Variants in CEP57 observed in about 807,000 individuals in gnomAD.
The protein encoded by CEP57 is centrosomal protein 57.
A neutral mutation model predicts 68.0 loss-of-function variants in CEP57; 40 were observed. The ratio of observed to expected loss-of-function variants is 0.59; its 90% CI spans 0.46 to 0.77. CEP57 has a LOEUF of 0.77. Among genes scored for constraint, CEP57 ranks in the 30% least tolerant of loss-of-function variants. The pLI is 0.00. For missense variants in CEP57, 606 were observed against 580.7 expected, an observed-to-expected ratio of 1.04 and a Z score of -0.45; for synonymous variants, 219 against 198.7, an observed-to-expected ratio of 1.10 and a Z score of -0.86.
chr11:95,811,437 G>C (rs138900325), intron 2 of CEP57, among the ~76,000 whole-genome samples: 8,021 of 145,480 alleles, frequency 0.055, 286 homozygotes, highest in Non-Finnish European at 0.085. Flanking sequence ...TCGTGGGTTG[G>C]GGGGAGGGGG....
chr11:95,813,321 A>C (rs1259397269), intron 3 of CEP57, 147 bp from the exon 4 acceptor site: 1 of 1,071,158 alleles, frequency 9.3e-7, no homozygotes, highest in African/African-American at 1.6e-5. Context: ...AGCACGTAGA[A>C]AGAATGATTT....
intron 1 of CEP57, among the ~76,000 whole-genome samples, chr11:95,797,680 G>A (rs1861408467): frequency 6.6e-6 from 1 of 152,064 alleles, no homozygotes; most frequent in Admixed American, 6.5e-5. Flanking sequence ...TTATACCACA[G>A]GGCATACAGA....
Position 95,799,293 on chromosome 11 carries a change from A to G in CEP57, c.107A>G (p.Tyr36Cys). ...ATGGTTCGGCATTCTTCATCTCCAT[A>G]TGTAGTATATCCTTCGGATAAGCCT... ...GSMVRHSSSP[Y>C]VVYPSDKPFL... The change falls in exon 2 of 11, where the codon TAT becomes TGT. Residue 36 changes from tyrosine (Y) to cysteine (C), a missense_variant. By Grantham distance (194) the Tyr-to-Cys change is radical. Coordinates refer to ENST00000325542, the MANE Select transcript of CEP57 (RefSeq NM_014679.5). 6.2e-7 allele frequency: 1 copy of G among 1,614,132 alleles called. No homozygotes were observed. The highest frequency in any genetic ancestry group is 8.5e-7 in the Non-Finnish European group (1 of 1,179,968).
chr11:95,816,380 T>G (rs1452713201), intron 4 of CEP57, among the ~76,000 whole-genome samples: 1 of 152,162 alleles, frequency 6.6e-6, no homozygotes, highest in African/African-American at 2.4e-5. Context: ...AAGATGAGAT[T>G]TGGTTGGAGA....
At chr11:95,819,725 C>T (rs555576580) in intron 6 of CEP57, among the ~76,000 whole-genome samples, 1 of 152,198 alleles carries the variant, frequency 6.6e-6, no homozygotes, top group African/African-American at 2.4e-5. Context: ...GCAGTTCAAT[C>T]TGTGACCAAA....
At chr11:95,792,935 A>C (rs1010533560) in intron 1 of CEP57, among the ~76,000 whole-genome samples, 3 of 151,924 alleles carry the variant, frequency 2.0e-5, no homozygotes, top group African/African-American at 7.3e-5. Context: ...AAAAAAAAAA[A>C]CTTGTTAAAA....
At chr11:95,799,477 G>C in intron 2 of CEP57, 89 bp downstream of exon 2, 1 of 1,499,100 alleles carries the variant, frequency 6.7e-7, no homozygotes, top group Non-Finnish European at 9.3e-7. Context: ...TGCCATTAGA[G>C]GAAAATATAT....
intron 6 of CEP57, among the ~76,000 whole-genome samples, chr11:95,819,261 C>CTTTCAGTATTG (rs1862427016): frequency 6.6e-6 from 1 of 152,172 alleles, no homozygotes; most frequent in Non-Finnish European, 1.5e-5. Context: ...CTTATAGGTA[C>CTTTCAGTATTG]TTCTCTTTGG....
chr11:95,813,463 T>G lies in CEP57; in HGVS notation c.383-5T>G. Reference sequence around the variant, plus strand: ...ATTTCTGCTTTTCTTATGTATTCTTTTTAGAACTGACATCTCAGTTGTTAG... The same window carrying G: ...ATTTCTGCTTTTCTTATGTATTCTTGTTAGAACTGACATCTCAGTTGTTAG... On this transcript the variant is annotated splice_region_variant and splice_polypyrimidine_tract_variant and intron_variant, in intron 3 of 10. Coordinates refer to ENST00000325542, the MANE Select transcript of CEP57 (RefSeq NM_014679.5). The G allele has an allele frequency of 3.7e-6, 6 of 1,610,984 alleles. No homozygotes were observed. The highest frequency in any genetic ancestry group is 5.1e-6 in the Non-Finnish European group (6 of 1,179,456).
intron 4 of CEP57, among the ~76,000 whole-genome samples, chr11:95,814,925 T>A (rs1363849717): frequency 3.3e-5 from 5 of 152,102 alleles, no homozygotes; most frequent in African/African-American, 9.7e-5. Context: ...TATTTGCGTA[T>A]AACCTACACC....
intron 2 of CEP57, among the ~76,000 whole-genome samples, chr11:95,804,374 G>T (rs1391871803): frequency 1.3e-5 from 2 of 152,136 alleles, no homozygotes; most frequent in Non-Finnish European, 2.9e-5. Flanking sequence ...TGGAACTAAA[G>T]CCTAAAACCT....
chr11:95,802,597 A>G (rs1326514103), intron 2 of CEP57, among the ~76,000 whole-genome samples: 2 of 152,186 alleles, frequency 1.3e-5, no homozygotes, highest in Non-Finnish European at 2.9e-5. Flanking sequence ...ATTGTGGCTT[A>G]GTTTTTCTTA....
chr11:95,820,994 C>T (rs1017705528), intron 6 of CEP57, among the ~76,000 whole-genome samples: 1 of 152,070 alleles, frequency 6.6e-6, no homozygotes, highest in African/African-American at 2.4e-5. Context: ...TTATGGAATC[C>T]AGTGGTTCTG....
intron 1 of CEP57, among the ~76,000 whole-genome samples, chr11:95,794,056 A>G (rs1202472614): frequency 6.6e-6 from 1 of 152,222 alleles, no homozygotes. Flanking sequence ...AGAACTAGAT[A>G]AGAGAATCCA....
chr11:95,790,643 A>C lies in CEP57; in HGVS notation c.-56A>C, dbSNP rs909326017. The C allele has an allele frequency of 2.5e-6, 4 of 1,597,782 alleles. No homozygotes were observed. In the African/African-American group the frequency reaches 5.4e-5, roughly 21 times the overall value. On this transcript the variant is annotated 5_prime_UTR_variant, in exon 1 of 11. Coordinates refer to ENST00000325542, the MANE Select transcript of CEP57 (RefSeq NM_014679.5). The stretch of plus-strand genomic sequence containing the variant: ...GGGCGGCTCCCGAGTCTTGGAGAAG[A>C]GCACGAGAACCTAGACCGCCCCCGA...
At chr11:95,828,888 A>C (rs1348489846) in intron 9 of CEP57, among the ~76,000 whole-genome samples, 4 of 151,976 alleles carry the variant, frequency 2.6e-5, no homozygotes, top group African/African-American at 7.3e-5. Flanking sequence ...TAAAAATACA[A>C]AAAATTGGCC....
intron 4 of CEP57, 134 bp downstream of exon 4, chr11:95,813,723 A>G (rs1219184460): frequency 1.0e-6 from 1 of 992,620 alleles, no homozygotes. Flanking sequence ...GGCATCAGTT[A>G]TGAAATCTAA....
Position 95,829,292 on chromosome 11 carries a change from A to G in CEP57, c.1233A>G (p.Lys411=), listed in dbSNP as rs753801234. 9.3e-6 allele frequency: 15 copies of G among 1,614,016 alleles called. No homozygotes were observed. The highest frequency in any genetic ancestry group is 3.3e-5 in the South Asian group (3 of 91,088). Residue 411 remains lysine (K), a synonymous_variant, in exon 10 of 11, where the codon AAA becomes AAG. Transcript: ENST00000325542. Reference sequence around the variant, plus strand: ...CATTAGTGGGAAGGATGGAAGCAAAAGCCAACCAAATAACTAAAGTTCGAA... The same window carrying G: ...CATTAGTGGGAAGGATGGAAGCAAAGGCCAACCAAATAACTAAAGTTCGAA... The part of the protein sequence containing the change: ...LEALVGRMEA[K]ANQITKVRKY...
intron 8 of CEP57, chr11:95,827,582 G>A (rs1196849817): frequency 1.7e-6 from 1 of 595,346 alleles, no homozygotes; most frequent in African/African-American, 1.9e-5. Context: ...TGTGTATGTA[G>A]GGCCTTATTT....
Sources: allele counts gnomAD v4.1 joint callset (sites outside exome capture counted in the v4.1 genomes callset), GRCh38; gene constraint gnomAD v4.1.1; transcripts MANE v1.5; gene names NCBI Gene and HGNC (gene_info 2026-07-23, HGNC 2026-07-21).